Variants in CCDC62 observed in about 807,000 individuals in gnomAD.
CCDC62 encodes the protein coiled-coil domain-containing protein 62.
Under a neutral mutation model 80.8 loss-of-function variants are expected in CCDC62, and 72 were observed. The observed-to-expected ratio is 0.89, with a 90% CI of 0.74 to 1.08. The LOEUF (loss-of-function observed/expected upper bound fraction) is 1.08, where lower values mean the gene tolerates loss of function less well. Among genes scored for constraint, CCDC62 ranks in the 50% least tolerant of loss-of-function variants. The pLI is 0.00. For missense variants in CCDC62, 704 were observed against 809.4 expected, an observed-to-expected ratio of 0.87 and a Z score of 1.58; for synonymous variants, 286 against 296.5, an observed-to-expected ratio of 0.96 and a Z score of 0.36.
At chr12:122,800,647 GA>G (rs1340723592) in intron 8 of CCDC62, among the ~76,000 whole-genome samples, 1 of 151,870 alleles carries the variant, frequency 6.6e-6, no homozygotes, top group Non-Finnish European at 1.5e-5. Context: ...GCTGGGTCTC[GA>G]ACTCCTGACC....
In CCDC62 at chr12:122,820,712, C is replaced by T. The variant is rs541053054; in HGVS notation, c.2002-2654C>T. On this transcript the variant is annotated intron_variant, in intron 11 of 12. Transcript: ENST00000253079. ...TACAAAAATTACCCGGGCATGGTGGCGTGCCGTAATCCCAGCTACTCGAGA... is the reference window on the plus strand; with the variant it reads ...TACAAAAATTACCCGGGCATGGTGGTGTGCCGTAATCCCAGCTACTCGAGA... Among the ~76,000 whole-genome samples the T allele has an allele frequency of 9.9e-5, 15 of 151,712 alleles. No homozygotes were observed. In the East Asian group the frequency reaches 2.3e-3, roughly 24 times the overall value.
At chr12:122,792,188 C>T in intron 6 of CCDC62, 67 bp downstream of exon 6, 1 of 938,490 alleles carries the variant, frequency 1.1e-6, no homozygotes, top group Non-Finnish European at 1.7e-6. Flanking sequence ...AGGAATTATA[C>T]CTCTCCCAAA....
At chr12:122,775,724 C>A (rs191351182) in intron 1 of CCDC62, among the ~76,000 whole-genome samples, 1 of 152,150 alleles carries the variant, frequency 6.6e-6, no homozygotes, top group African/African-American at 2.4e-5. Context: ...GCAATCCTCC[C>A]GCCTCAGCCT....
At chr12:122,800,694 C>T (rs939466212) in intron 8 of CCDC62, among the ~76,000 whole-genome samples, 19 of 152,012 alleles carry the variant, frequency 1.2e-4, no homozygotes, top group African/African-American at 3.6e-4. Flanking sequence ...CCCAAAGTAC[C>T]GGGATTACAG....
chr12:122,786,945 G>A (rs1210702479), intron 4 of CCDC62, among the ~76,000 whole-genome samples: 4 of 152,160 alleles, frequency 2.6e-5, no homozygotes, highest in East Asian at 3.9e-4. Flanking sequence ...GGGTGACAGC[G>A]AGACTCCGTC....
At chr12:122,800,307 G>A (rs967260704) in intron 8 of CCDC62, among the ~76,000 whole-genome samples, 6 of 151,208 alleles carry the variant, frequency 4.0e-5, no homozygotes, top group African/African-American at 7.3e-5. Flanking sequence ...TAGGCTGGAC[G>A]CCATGGCTCA....
chr12:122,824,132 C>T (rs572574222), intron 12 of CCDC62, among the ~76,000 whole-genome samples: 26 of 151,132 alleles, frequency 1.7e-4, no homozygotes, highest in Non-Finnish European at 2.2e-4. Context: ...AACCACAATG[C>T]GGGCCGGGCG....
At chr12:122,818,647 G>A (rs1342994074) in intron 11 of CCDC62, among the ~76,000 whole-genome samples, 1 of 151,074 alleles carries the variant, frequency 6.6e-6, no homozygotes, top group Non-Finnish European at 1.5e-5. Context: ...AATTAGCTGG[G>A]TGCAGTGACT....
At chr12:122,820,077 A>AG (rs1179955188) in intron 11 of CCDC62, among the ~76,000 whole-genome samples, 36 of 150,848 alleles carry the variant, frequency 2.4e-4, no homozygotes, top group African/African-American at 8.5e-4. Flanking sequence ...AAAAAAAAAA[A>AG]AAAAAAGAAG....
rs542846771 is a variant in CCDC62 at position 122,789,189 on chromosome 12, C to T, written c.670+260C>T. On this transcript the variant is annotated intron_variant, in intron 5 of 12. Transcript: ENST00000253079. ...TTGAGGTGGCTGTACCATTAGCTAT[C>T]GCTAATACATGCTTTGTGGCAGACA... is the stretch of plus-strand genomic sequence containing the variant. 7.7e-4 allele frequency among the ~76,000 whole-genome samples: 117 copies of T among 152,244 alleles called. 1 individual carries two copies. Among genetic ancestry groups the T allele is most frequent in the African/African-American group, 2.8e-3 (115 of 41,552 alleles).
At chr12:122,816,831 G>A (rs929450885) in intron 11 of CCDC62, among the ~76,000 whole-genome samples, 8 of 151,800 alleles carry the variant, frequency 5.3e-5, no homozygotes, top group African/African-American at 1.2e-4. Flanking sequence ...TAATAAAATC[G>A]TGCAGCCACT....
At chr12:122,821,552 C>A (rs559409619) in intron 11 of CCDC62, among the ~76,000 whole-genome samples, 1 of 152,138 alleles carries the variant, frequency 6.6e-6, no homozygotes, top group African/African-American at 2.4e-5. Flanking sequence ...CAGGCTCCAG[C>A]GGTCCTCCCA....
intron 11 of CCDC62, among the ~76,000 whole-genome samples, chr12:122,820,788 C>G (rs569725261): frequency 6.7e-6 from 1 of 149,296 alleles, no homozygotes; most frequent in Non-Finnish European, 1.5e-5. Flanking sequence ...TTGCAGTGAG[C>G]CGAGATCACG....
chr12:122,783,227 CTT>C (rs757436171), intron 3 of CCDC62, among the ~76,000 whole-genome samples: 17 of 140,442 alleles, frequency 1.2e-4, no homozygotes, highest in Admixed American at 1.5e-4. Context: ...ATCCTTCATT[CTT>C]TTTTTTTTTT....
intron 6 of CCDC62, among the ~76,000 whole-genome samples, chr12:122,794,856 C>G (rs1466730605): frequency 6.6e-6 from 1 of 151,988 alleles, no homozygotes; most frequent in Non-Finnish European, 1.5e-5. Flanking sequence ...TTAGTAGAGG[C>G]AGGGTCTCGC....
At chr12:122,775,234 A>C (rs940781957) in intron 1 of CCDC62, among the ~76,000 whole-genome samples, 1 of 151,980 alleles carries the variant, frequency 6.6e-6, no homozygotes, top group Non-Finnish European at 1.5e-5. Flanking sequence ...TTTAAGGAGG[A>C]CGATTGGCGT....
At chr12:122,808,959 A>G (rs892470130) in intron 10 of CCDC62, among the ~76,000 whole-genome samples, 3 of 152,222 alleles carry the variant, frequency 2.0e-5, no homozygotes, top group African/African-American at 7.2e-5. Context: ...TCTAATAGGT[A>G]TGAAGAGGTA....
chr12:122,810,267 T>C (rs1024736342), intron 10 of CCDC62, among the ~76,000 whole-genome samples: 36 of 152,048 alleles, frequency 2.4e-4, no homozygotes, highest in African/African-American at 8.4e-4. Context: ...TGCAATCTAT[T>C]CATCTGACAA....
At chr12:122,814,304 GAGAGAGAAAGAA>G (rs1464766225) in intron 11 of CCDC62, among the ~76,000 whole-genome samples, 1 of 19,160 alleles carries the variant, frequency 5.2e-5, no homozygotes, top group Non-Finnish European at 2.5e-4. Flanking sequence ...AAAAAAAAGA[GAGAGAGAAAGAA>G]AGAAAGAAAA....
Sources: gnomAD v4.1 joint callset for allele counts (sites outside exome capture counted in the v4.1 genomes callset) on GRCh38, gnomAD v4.1.1 for gene constraint, MANE v1.5 for transcripts, NCBI Gene and HGNC (gene_info 2026-07-23, HGNC 2026-07-21) for gene names.